Variants in ATP13A3 observed in about 807,000 individuals in gnomAD.
ATP13A3 encodes the protein ATPase 13A3, also known as polyamine-transporting ATPase 13A3.
A neutral mutation model predicts 158.1 loss-of-function variants in ATP13A3; 59 were observed. The observed-to-expected ratio is 0.37, with a 90% CI of 0.30 to 0.46. The LOEUF (loss-of-function observed/expected upper bound fraction) is 0.46. Ranked by LOEUF, ATP13A3 falls within the 20% of genes least tolerant of loss-of-function variation. ATP13A3 has a pLI of 1.00. For missense variants in ATP13A3, 1,166 were observed against 1,525.2 expected (o/e 0.76, Z 3.92); for synonymous variants, 491 against 504.3 (o/e 0.97, Z 0.35).
chr3:194,442,565 T>C (rs903581416), intron 15 of ATP13A3, among the ~76,000 whole-genome samples: 1 of 150,726 alleles, frequency 6.6e-6, no homozygotes, highest in African/African-American at 2.4e-5. Context: ...GATGCGAGAG[T>C]AGGGGTGGGA....
rs1560066823 is a variant in ATP13A3 at position 194,410,325 on chromosome 3, A to AC, written c.3573+1873_3573+1874insG. On this transcript the variant is annotated intron_variant, in intron 33 of 33. Transcript: ENST00000645319. ...AAAAAAAAAAAAAAAAAAAAAAAAA[A>AC]AAAAAACTGCTGGGCCTGGGATGGC... Among the ~76,000 whole-genome samples, 848 of 146,696 alleles carry AC rather than the reference A, an allele frequency of 5.8e-3. 30 individuals carry two copies. The highest frequency in any genetic ancestry group is 0.02 in the African/African-American group (805 of 39,848).
chr3:194,486,093 CCA>C (rs1720956008), intron 1 of ATP13A3, among the ~76,000 whole-genome samples: 6 of 152,292 alleles, frequency 3.9e-5, no homozygotes, highest in Admixed American at 3.9e-4. Flanking sequence ...GTCCTCACTG[CCA>C]CAGAGTCCGA....
intron 2 of ATP13A3, among the ~76,000 whole-genome samples, chr3:194,467,598 A>C (rs1720070994): frequency 6.6e-6 from 1 of 152,204 alleles, no homozygotes; most frequent in Non-Finnish European, 1.5e-5. Flanking sequence ...CCTCAAAGGA[A>C]ATTACCCAAG....
At chr3:194,477,784 T>C (rs1419384796) in intron 2 of ATP13A3, among the ~76,000 whole-genome samples, 1 of 152,154 alleles carries the variant, frequency 6.6e-6, no homozygotes, top group Non-Finnish European at 1.5e-5. Context: ...CCCAGAAGTG[T>C]TTCCACCTCA....
At chr3:194,428,941 T>G in intron 27 of ATP13A3, 24 bp from the exon 28 acceptor site, 1 of 1,465,782 alleles carries the variant, frequency 6.8e-7, no homozygotes, top group African/African-American at 1.4e-5. Flanking sequence ...TTTAAAAACA[T>G]TATTAGTTTT....
At position 194,429,708 on chromosome 3, in the gene ATP13A3, G is replaced by C; in HGVS notation, c.2844C>G (p.Ile948Met). The C allele has an allele frequency of 6.2e-7, 1 of 1,613,500 alleles. No individual in the cohort carries two copies. The stretch of plus-strand genomic sequence containing the variant: ...ACAGCAGAGTAACACTGAAGTACTG[G>C]ATAATGCTGTACAATGCCATGAATT... ...VFKFMALYSI[I>M]QYFSVTLLYS... Residue 948 changes from isoleucine (I) to methionine (M), a missense_variant, in exon 27 of 34, where the codon ATC (isoleucine) becomes ATG (methionine). Physicochemically the swap from Ile to Met is conservative, Grantham distance 10 (BLOSUM62 1). This residue lies in a region of ATP13A3 where 997 missense variants were observed against 1,341.2 expected (regional missense o/e 0.74). Transcript: ENST00000645319.
intron 32 of ATP13A3, among the ~76,000 whole-genome samples, chr3:194,413,534 C>T (rs1306942458): frequency 1.3e-5 from 2 of 152,168 alleles, no homozygotes; most frequent in African/African-American, 4.8e-5. Flanking sequence ...TATCACATTG[C>T]TTATTTTCTC....
At position 194,413,800 on chromosome 3, in the gene ATP13A3, T is replaced by C. The variant is rs1193437638; in HGVS notation, c.3442A>G (p.Ile1148Val). ...VPYQWRVTML[I>V]IVLVNAFVSI... is the part of the protein sequence containing the mutation. ...ACAAAGGCATTGACAAGAACAATGA[T>C]GAGCATAGTTACACGCCACTGATAT... is the stretch of plus-strand genomic sequence containing the variant. Residue 1148 changes from isoleucine (I) to valine (V), a missense_variant, in exon 32 of 34, where the codon ATC (isoleucine) becomes GTC (valine). This residue lies in a region of ATP13A3 where 997 missense variants were observed against 1,341.2 expected (regional missense o/e 0.74). Coordinates refer to ENST00000645319, the MANE Select transcript of ATP13A3 (RefSeq NM_001367549.1). 1.9e-6 allele frequency: 3 copies of C among 1,613,912 alleles called. No homozygotes were observed. The Admixed American group carries it at 5.0e-5, about 27-fold the overall frequency.
At chr3:194,430,454 T>C in intron 24 of ATP13A3, 139 bp from the exon 25 acceptor site, 1 of 960,016 alleles carries the variant, frequency 1.0e-6, no homozygotes, top group Non-Finnish European at 1.6e-6. Context: ...ATCTTTTCAC[T>C]ATAATGAACA....
At chr3:194,450,358 T>C in intron 10 of ATP13A3, 82 bp from the exon 11 acceptor site, 1 of 1,346,750 alleles carries the variant, frequency 7.4e-7, no homozygotes, top group South Asian at 1.3e-5. Flanking sequence ...TCAGAAGTCA[T>C]CTGATCTCAA....
chr3:194,421,067 AACTAT>A (rs1447922352), intron 30 of ATP13A3, among the ~76,000 whole-genome samples: 69 of 104,468 alleles, frequency 6.6e-4, no homozygotes, highest in Non-Finnish European at 9.0e-4. Flanking sequence ...ATTCTACAGA[AACTAT>A]ACTATATTAT....
At chr3:194,435,970 G>C (rs1487973802) in intron 20 of ATP13A3, among the ~76,000 whole-genome samples, 1 of 152,130 alleles carries the variant, frequency 6.6e-6, no homozygotes, top group Non-Finnish European at 1.5e-5. Flanking sequence ...AATGGCAAAG[G>C]CATCCACTGT....
intron 20 of ATP13A3, among the ~76,000 whole-genome samples, chr3:194,436,335 G>C (rs372366973): frequency 6.6e-6 from 1 of 152,170 alleles, no homozygotes; most frequent in South Asian, 2.1e-4. Flanking sequence ...TTTGACGGGG[G>C]GACATGGAGA....
intron 29 of ATP13A3, among the ~76,000 whole-genome samples, 155 bp from the exon 30 acceptor site, chr3:194,425,684 A>C (rs1716717070): frequency 6.6e-6 from 1 of 152,252 alleles, no homozygotes; most frequent in African/African-American, 2.4e-5. Flanking sequence ...TAAGATATAT[A>C]AAACAGGTAC....
At chr3:194,435,164 G>C (rs1717534266) in intron 20 of ATP13A3, among the ~76,000 whole-genome samples, 1 of 152,178 alleles carries the variant, frequency 6.6e-6, no homozygotes. Context: ...AAGGATATTA[G>C]AGAATAGTTG....
At chr3:194,418,652 T>C (rs1423844317) in intron 31 of ATP13A3, among the ~76,000 whole-genome samples, 3 of 152,168 alleles carry the variant, frequency 2.0e-5, no homozygotes, top group Non-Finnish European at 4.4e-5. Context: ...AGACCAAGTG[T>C]TGGCAATGAT....
intron 8 of ATP13A3, among the ~76,000 whole-genome samples, chr3:194,455,293 T>C (rs542620539): frequency 1.5e-4 from 23 of 152,292 alleles, no homozygotes; most frequent in African/African-American, 5.5e-4. Context: ...TTTTATCAAT[T>C]TCATTAAACA....
chr3:194,474,899 G>A (rs1353696969), intron 2 of ATP13A3, among the ~76,000 whole-genome samples: 1 of 152,210 alleles, frequency 6.6e-6, no homozygotes, highest in East Asian at 1.9e-4. Context: ...GGTCATGCCA[G>A]CTAAGTAACG....
At chr3:194,408,059 C>T (rs1011592969) in intron 33 of ATP13A3, among the ~76,000 whole-genome samples, 4 of 145,302 alleles carry the variant, frequency 2.8e-5, no homozygotes, top group Non-Finnish European at 3.0e-5. Flanking sequence ...CTTGCTCTGT[C>T]GCCAGGCTGG....
Sources: gnomAD v4.1 joint callset for allele counts (sites outside exome capture counted in the v4.1 genomes callset) on GRCh38, gnomAD v4.1.1 for gene constraint, gnomAD v4.1.1 regional missense constraint, MANE v1.5 for transcripts, NCBI Gene and HGNC (gene_info 2026-07-23, HGNC 2026-07-21) for gene names.